Variants in CRYZL1 observed in about 807,000 individuals in gnomAD.
The protein encoded by CRYZL1 is crystallin zeta like 1, also known as ferry endosomal RAB5 effector complex subunit 4.
CRYZL1 carries 34 observed loss-of-function variants against 50.6 expected under a neutral mutation model. The ratio of observed to expected loss-of-function variants is 0.67; its 90% CI spans 0.51 to 0.89. The LOEUF (loss-of-function observed/expected upper bound fraction) is 0.89. Ranked by LOEUF, CRYZL1 falls within the 40% of genes least tolerant of loss-of-function variation. CRYZL1 has a pLI of 0.00. For missense variants in CRYZL1, 354 were observed against 402.3 expected, an observed-to-expected ratio of 0.88 and a Z score of 1.03; for synonymous variants, 125 against 134.3, an observed-to-expected ratio of 0.93 and a Z score of 0.48.
intron 1 of CRYZL1, among the ~76,000 whole-genome samples, chr21:33,632,464 G>A (rs755880684): frequency 7.9e-5 from 12 of 151,636 alleles, no homozygotes; most frequent in Non-Finnish European, 1.2e-4. Context: ...TGCAACCTCC[G>A]TTTCCCAGGT....
chr21:33,633,287 CAT>C (rs1193491458), intron 1 of CRYZL1, among the ~76,000 whole-genome samples: 5 of 152,190 alleles, frequency 3.3e-5, no homozygotes, highest in Non-Finnish European at 7.3e-5. Context: ...GCTGGTGTCT[CAT>C]AGCACCAGCT....
chr21:33,623,765 AAAAC>A (rs1265197850), intron 3 of CRYZL1, among the ~76,000 whole-genome samples: 40 of 152,328 alleles, frequency 2.6e-4, no homozygotes, highest in Admixed American at 1.4e-3. Context: ...AAAATAAAAC[AAAAC>A]AAACAAAAAA....
rs764185960 is a variant in CRYZL1 at position 33,600,933 on chromosome 21, G to GTTTTTTTTTTTTTTTTTT, written c.577+1283_577+1300dup. Among the ~76,000 whole-genome samples the GTTTTTTTTTTTTTTTTTT allele has an allele frequency of 3.4e-5, 2 of 59,520 alleles. 1 individual carries two copies. The highest frequency in any genetic ancestry group is 6.2e-5 in the Non-Finnish European group (2 of 32,430). The allele number at this position is 59,520 out of a possible 152,430, so 39.0% of individuals were successfully genotyped here. On this transcript the variant is annotated intron_variant, in intron 8 of 12. Coordinates refer to ENST00000381554, the MANE Select transcript of CRYZL1 (RefSeq NM_145858.3). The stretch of plus-strand genomic sequence containing the variant: ...TGAGCCACTGTGCCCGGTCCATAAA[G>GTTTTTTTTTTTTTTTTTT]TTTTTTTTTTTTTTTTTTTTGGGGG...
intron 6 of CRYZL1, among the ~76,000 whole-genome samples, chr21:33,612,351 A>G (rs2086881055): frequency 6.7e-6 from 1 of 149,314 alleles, no homozygotes; most frequent in Non-Finnish European, 1.5e-5. Context: ...CAGTGGTGCC[A>G]TCTCGGCTCC....
intron 9 of CRYZL1, among the ~76,000 whole-genome samples, chr21:33,598,735 G>GC: frequency 6.6e-6 from 1 of 151,668 alleles, no homozygotes; most frequent in Middle Eastern, 3.5e-3. Context: ...CTCGCAGCCT[G>GC]CCCAGGATGG....
At chr21:33,594,156 CTTTT>C (rs755337244) in intron 11 of CRYZL1, among the ~76,000 whole-genome samples, 1 of 138,382 alleles carries the variant, frequency 7.2e-6, no homozygotes. Flanking sequence ...TGGACATTTA[CTTTT>C]TTTTTTTTTT....
intron 8 of CRYZL1, among the ~76,000 whole-genome samples, chr21:33,601,385 A>C (rs971721437): frequency 1.3e-5 from 2 of 152,132 alleles, no homozygotes; most frequent in Admixed American, 6.5e-5. Context: ...TTACTGTCAG[A>C]CAGGCCTGGG....
At chr21:33,634,119 A>C (rs371522756) in intron 1 of CRYZL1, among the ~76,000 whole-genome samples, 4 of 152,252 alleles carry the variant, frequency 2.6e-5, no homozygotes, top group African/African-American at 9.6e-5. Flanking sequence ...AGCAGGATTA[A>C]GCTAGGTTAA....
intron 3 of CRYZL1, among the ~76,000 whole-genome samples, chr21:33,622,352 G>C (rs934061475): frequency 6.6e-6 from 1 of 152,190 alleles, no homozygotes; most frequent in Non-Finnish European, 1.5e-5. Context: ...TGCCAAGTAT[G>C]AAGGGAAATT....
intron 1 of CRYZL1, among the ~76,000 whole-genome samples, 169 bp from the exon 2 acceptor site, chr21:33,631,726 C>T (rs2087139790): frequency 6.6e-6 from 1 of 152,044 alleles, no homozygotes; most frequent in Non-Finnish European, 1.5e-5. Flanking sequence ...AGAGAATATG[C>T]AACACTCTCT....
At chr21:33,597,548 C>G in intron 9 of CRYZL1, 147 bp from the exon 10 acceptor site, 1 of 625,002 alleles carries the variant, frequency 1.6e-6, no homozygotes, top group Non-Finnish European at 2.8e-6. Flanking sequence ...CTCCAGCAAT[C>G]CTCCAGCCTC....
rs371802101 is a variant in CRYZL1, at chr21:33,622,029, C to T, written c.184G>A (p.Val62Ile). 3.1e-6 allele frequency: 5 copies of T among 1,612,688 alleles called. No individual in the cohort carries two copies. The African/African-American group carries it at 5.3e-5, about 17-fold the overall frequency. ...ACAATTCCAGCAATTTCTCTCCCAA[C>T]AGGAAATAAATCCTTTTTCATCTTC... ...EMKMKKDLFP[V>I]GREIAGIVLD... The change falls in exon 4 of 13, where the codon GTT (valine) becomes ATT (isoleucine). Residue 62 changes from valine to isoleucine, a missense_variant. Physicochemically the swap from Val to Ile is conservative, Grantham distance 29 (BLOSUM62 3). Coordinates refer to ENST00000381554, the MANE Select transcript of CRYZL1 (RefSeq NM_145858.3).
At chr21:33,606,972 T>C (rs1368621982) in intron 6 of CRYZL1, among the ~76,000 whole-genome samples, 1 of 152,070 alleles carries the variant, frequency 6.6e-6, no homozygotes, top group Admixed American at 6.5e-5. Context: ...GATCACACCA[T>C]TCATTGCACT....
chr21:33,637,329 C>G (rs553117529), intron 1 of CRYZL1, among the ~76,000 whole-genome samples: 4 of 151,474 alleles, frequency 2.6e-5, no homozygotes, highest in Non-Finnish European at 5.9e-5. Flanking sequence ...CCTGTAGTCC[C>G]AGCTACTTGG....
chr21:33,622,334 C>A (rs901701352), intron 3 of CRYZL1, among the ~76,000 whole-genome samples: 2 of 152,200 alleles, frequency 1.3e-5, no homozygotes, highest in Admixed American at 1.3e-4. Flanking sequence ...TGTTTAACAT[C>A]TTTACTCTGC....
intron 1 of CRYZL1, chr21:33,641,064 TG>T (rs2087306037): frequency 2.0e-6 from 3 of 1,466,256 alleles, no homozygotes; most frequent in Non-Finnish European, 2.7e-6. Context: ...ATATTTGTAC[TG>T]GACAGAGTTC....
At chr21:33,591,981 A>AT (rs1328988106) in intron 11 of CRYZL1, among the ~76,000 whole-genome samples, 2 of 152,002 alleles carry the variant, frequency 1.3e-5, no homozygotes, top group African/African-American at 2.4e-5. Flanking sequence ...AGAAAGAAAA[A>AT]AAAAATGGCC....
intron 3 of CRYZL1, among the ~76,000 whole-genome samples, chr21:33,623,166 A>G (rs2087022230): frequency 6.6e-6 from 1 of 151,948 alleles, no homozygotes; most frequent in Non-Finnish European, 1.5e-5. Flanking sequence ...GGGTTTCACC[A>G]TGTTGGCCAG....
At chr21:33,632,024 G>A (rs887928083) in intron 1 of CRYZL1, among the ~76,000 whole-genome samples, 4 of 152,120 alleles carry the variant, frequency 2.6e-5, no homozygotes, top group Middle Eastern at 3.4e-3. Context: ...CCATTTAATG[G>A]AAGTATTTAA....
Sources: gnomAD v4.1 joint callset for allele counts (sites outside exome capture counted in the v4.1 genomes callset) on GRCh38, gnomAD v4.1.1 for gene constraint, MANE v1.5 for transcripts, NCBI Gene and HGNC (gene_info 2026-07-23, HGNC 2026-07-21) for gene names.